The following C2CD5 variants were observed in gnomAD, a reference collection of about 807,000 sequenced individuals.
The protein encoded by C2CD5 is C2 calcium dependent domain containing 5, also known as C2 domain-containing protein 5.
C2CD5 carries 109 observed loss-of-function variants against 130.3 expected under a neutral mutation model. The observed-to-expected ratio is 0.84, with a 90% CI of 0.72 to 0.98. The LOEUF (loss-of-function observed/expected upper bound fraction) is 0.98, where lower values mean the gene tolerates loss of function less well. C2CD5 is among the 50% of genes least tolerant of loss of function. The probability of loss-of-function intolerance (pLI) is 0.00; values close to 1 mark genes in which losing one functional copy is unlikely to be tolerated. For missense variants in C2CD5, 996 were observed against 1,261.8 expected (o/e 0.79, Z 3.19); for synonymous variants, 454 against 429.2 (o/e 1.06, Z -0.71).
chr12:22,523,738 A>C lies in C2CD5; in HGVS notation c.602-114T>G, dbSNP rs537838859. ...AAGACCAAGAAAATCACAGATTTTCAGAACTTGAAGGAAACTTAAAAGATA... is the reference window on the plus strand; with the variant it reads ...AAGACCAAGAAAATCACAGATTTTCCGAACTTGAAGGAAACTTAAAAGATA... On this transcript the variant is annotated intron_variant, in intron 6 of 26. Coordinates refer to ENST00000446597, the MANE Select transcript of C2CD5 (RefSeq NM_001286176.2). The C allele has an allele frequency of 3.7e-5, 28 of 756,908 alleles. No individual in the cohort carries two copies. The African/African-American group carries it at 4.5e-4, about 12-fold the overall frequency. 46.9% of individuals were successfully genotyped at this position (756,908 alleles called of 1,614,324 possible). A position where few individuals can be genotyped will look rare whatever the true frequency, so the allele number is the denominator to read the frequency against.
chr12:22,462,557 G>C (rs1210729659), intron 22 of C2CD5, among the ~76,000 whole-genome samples: 1 of 152,148 alleles, frequency 6.6e-6, no homozygotes, highest in Non-Finnish European at 1.5e-5. Flanking sequence ...GTGTGGGAGG[G>C]AAACTAACCC....
At chr12:22,489,353 C>T (rs983946827) in intron 12 of C2CD5, among the ~76,000 whole-genome samples, 7 of 151,448 alleles carry the variant, frequency 4.6e-5, no homozygotes, top group African/African-American at 1.7e-4. Flanking sequence ...GTCACCCTTC[C>T]GTATCCATGG....
At chr12:22,525,851 T>A in intron 4 of C2CD5, 146 bp from the exon 5 acceptor site, 1 of 608,274 alleles carries the variant, frequency 1.6e-6, no homozygotes, top group Admixed American at 2.8e-5. Flanking sequence ...GCAAAACCAT[T>A]CTGATTTTCA....
chr12:22,513,533 C>T, intron 8 of C2CD5, 154 bp from the exon 9 acceptor site: 1 of 611,442 alleles, frequency 1.6e-6, no homozygotes, highest in Non-Finnish European at 3.0e-6. Flanking sequence ...ACATATTTTA[C>T]TCTACTTTTA....
At chr12:22,529,884 A>C (rs899089426) in intron 3 of C2CD5, among the ~76,000 whole-genome samples, 3 of 151,820 alleles carry the variant, frequency 2.0e-5, no homozygotes, top group Non-Finnish European at 4.4e-5. Context: ...TCATGTGCTC[A>C]CTGGAACTCC....
chr12:22,522,315 G>A (rs560150245), intron 7 of C2CD5, among the ~76,000 whole-genome samples: 12 of 152,094 alleles, frequency 7.9e-5, no homozygotes, highest in Non-Finnish European at 1.6e-4. Context: ...GATAGTCAGC[G>A]TTTTTAGTCC....
At chr12:22,519,172 T>C (rs1178591164) in intron 7 of C2CD5, 8 of 1,535,646 alleles carry the variant, frequency 5.2e-6, no homozygotes, top group Non-Finnish European at 7.0e-6. Flanking sequence ...CGTGAGCCAG[T>C]AGCAGTGTGA....
intron 5 of C2CD5, 90 bp downstream of exon 5, chr12:22,525,520 T>G (rs956591076): frequency 1.8e-5 from 14 of 769,356 alleles, no homozygotes; most frequent in East Asian, 1.2e-4. Flanking sequence ...GTACAATAGC[T>G]TTTCTACTTG....
At chr12:22,523,293 GAC>G in intron 7 of C2CD5, 131 bp downstream of exon 7, 1 of 596,852 alleles carries the variant, frequency 1.7e-6, no homozygotes. Flanking sequence ...TTTAAATTTT[GAC>G]AGTCATCACC....
At chr12:22,484,635 G>T in intron 13 of C2CD5, 62 bp downstream of exon 13, 1 of 867,704 alleles carries the variant, frequency 1.2e-6, no homozygotes, top group South Asian at 2.5e-5. Context: ...CTTAAAAATA[G>T]GTTTACGGCT....
At chr12:22,470,327 T>C (rs750265141) in intron 21 of C2CD5, among the ~76,000 whole-genome samples, 2 of 152,138 alleles carry the variant, frequency 1.3e-5, no homozygotes, top group Non-Finnish European at 2.9e-5. Context: ...CCCCATTATG[T>C]GTTTTTCAGA....
chr12:22,491,791 G>A (rs1946386294), intron 11 of C2CD5, among the ~76,000 whole-genome samples: 1 of 151,072 alleles, frequency 6.6e-6, no homozygotes, highest in Non-Finnish European at 1.5e-5. Context: ...AGAATCACTT[G>A]AACCCGGGAG....
intron 17 of C2CD5, 31 bp downstream of exon 17, chr12:22,472,713 G>C: frequency 8.2e-7 from 1 of 1,217,538 alleles, no homozygotes; most frequent in Non-Finnish European, 1.2e-6. Flanking sequence ...TGTAAAACTA[G>C]TTTCATCTCA....
intron 7 of C2CD5, among the ~76,000 whole-genome samples, chr12:22,518,526 C>A (rs1001028858): frequency 6.6e-5 from 10 of 152,100 alleles, no homozygotes; most frequent in Non-Finnish European, 1.2e-4. Flanking sequence ...TTTATATTTG[C>A]ACACACACAG....
chr12:22,512,710 AAG>A (rs536379091), intron 9 of C2CD5: 172 of 1,430,944 alleles, frequency 1.2e-4, no homozygotes, highest in Admixed American at 2.5e-4. Context: ...AAAAAAAAAA[AAG>A]AGAGAGAGAG....
In C2CD5 at chr12:22,524,395, G is replaced by A. The variant is rs1950554369; in HGVS notation, c.601+77C>T. On this transcript the variant is annotated intron_variant, in intron 6 of 26. Transcript: ENST00000446597. ...TTCATAGCCTTCATTGTAAAGTTGA[G>A]GTAGCATGTCAAAGGAAAGCAAAAA... 9 of 1,163,888 alleles carry A rather than the reference G, an allele frequency of 7.7e-6. No homozygotes were observed. In the East Asian group the frequency reaches 2.2e-4, roughly 28 times the overall value. The allele number at this position is 1,163,888 out of a possible 1,614,324, so 72.1% of individuals were successfully genotyped here.
chr12:22,511,654 T>C (rs931329373), intron 9 of C2CD5, among the ~76,000 whole-genome samples: 3 of 152,238 alleles, frequency 2.0e-5, no homozygotes, highest in African/African-American at 7.2e-5. Context: ...TAAATGCATA[T>C]CTGAAAACAC....
intron 15 of C2CD5, among the ~76,000 whole-genome samples, chr12:22,477,730 ACT>A (rs1195772683): frequency 2.0e-5 from 3 of 152,152 alleles, no homozygotes; most frequent in Admixed American, 1.3e-4. Flanking sequence ...GCATTGTGAT[ACT>A]TATTGCAAAG....
intron 22 of C2CD5, among the ~76,000 whole-genome samples, chr12:22,465,180 T>C (rs539794928): frequency 3.3e-5 from 5 of 152,082 alleles, no homozygotes; most frequent in Non-Finnish European, 5.9e-5. Context: ...GAATAGAGTA[T>C]TCCTGCCAGC....
Sources: gnomAD v4.1 joint callset for allele counts (sites outside exome capture counted in the v4.1 genomes callset) on GRCh38, gnomAD v4.1.1 for gene constraint, MANE v1.5 for transcripts, NCBI Gene and HGNC (gene_info 2026-07-23, HGNC 2026-07-21) for gene names.